Variants in DNM3 observed in about 807,000 individuals in gnomAD.
DNM3 encodes dynamin 3, also known as dynamin-3.
DNM3 carries 47 observed loss-of-function variants against 101.6 expected under a neutral mutation model. The ratio of observed to expected loss-of-function variants is 0.46; its 90% CI spans 0.37 to 0.59. The LOEUF (loss-of-function observed/expected upper bound fraction) is 0.59, where lower values mean the gene tolerates loss of function less well. Ranked by LOEUF, DNM3 falls within the 20% of genes least tolerant of loss-of-function variation. The pLI, the probability that DNM3 is intolerant of heterozygous loss-of-function variation, is 0.00. For missense variants in DNM3, 849 were observed against 1,085.7 expected (o/e 0.78, Z 3.06); for synonymous variants, 385 against 387.9 (o/e 0.99, Z 0.09).
At chr1:172,280,831 A>G (rs1008728890) in intron 15 of DNM3, among the ~76,000 whole-genome samples, 19 of 152,220 alleles carry the variant, frequency 1.2e-4, no homozygotes, top group African/African-American at 4.6e-4. Flanking sequence ...GCATACATGC[A>G]CACACAGAGT....
chr1:171,866,194 C>T (rs577635001), intron 1 of DNM3, among the ~76,000 whole-genome samples: 1 of 152,134 alleles, frequency 6.6e-6, no homozygotes, highest in Non-Finnish European at 1.5e-5. Context: ...TCAACCCCCA[C>T]CTTAGTCATT....
At chr1:172,294,841 G>A (rs2064084957) in intron 15 of DNM3, among the ~76,000 whole-genome samples, 4 of 151,576 alleles carry the variant, frequency 2.6e-5, no homozygotes, top group Non-Finnish European at 5.9e-5. Context: ...GAGCCTGAAA[G>A]GTGGAGGTGG....
chr1:172,056,201 G>A (rs2050602613), intron 10 of DNM3, among the ~76,000 whole-genome samples: 1 of 152,224 alleles, frequency 6.6e-6, no homozygotes, highest in Non-Finnish European at 1.5e-5. Context: ...TACGCCCACG[G>A]AATCTCGCTG....
intron 17 of DNM3, among the ~76,000 whole-genome samples, chr1:172,373,340 A>G (rs539781900): frequency 4.0e-4 from 61 of 152,222 alleles, no homozygotes; most frequent in South Asian, 1.7e-3. Flanking sequence ...AGCAGTTGCA[A>G]TCTGATTTCT....
At chr1:172,188,702 T>C (rs1168287974) in intron 14 of DNM3, among the ~76,000 whole-genome samples, 1 of 152,094 alleles carries the variant, frequency 6.6e-6, no homozygotes, top group Non-Finnish European at 1.5e-5. Flanking sequence ...TAGGATTATA[T>C]ATAATTGCTG....
chr1:172,075,152 C>A (rs1186707279), intron 11 of DNM3, among the ~76,000 whole-genome samples: 1 of 137,598 alleles, frequency 7.3e-6, no homozygotes, highest in Non-Finnish European at 1.6e-5. Context: ...CCTTTGCCCA[C>A]TTTTTGATTT....
chr1:171,883,406 CA>C (rs1558209802), intron 1 of DNM3, among the ~76,000 whole-genome samples: 4,201 of 127,044 alleles, frequency 0.033, 119 homozygotes, highest in Middle Eastern at 0.045. Flanking sequence ...CACACACACA[CA>C]CACACACCCT....
intron 14 of DNM3, among the ~76,000 whole-genome samples, chr1:172,239,755 C>T (rs1418536060): frequency 6.6e-6 from 1 of 150,658 alleles, no homozygotes; most frequent in African/African-American, 2.4e-5. Flanking sequence ...GGTTATCTCT[C>T]TCCCCTCCGC....
At chr1:171,876,311 C>T (rs1423267578) in intron 1 of DNM3, among the ~76,000 whole-genome samples, 1 of 152,102 alleles carries the variant, frequency 6.6e-6, no homozygotes, top group African/African-American at 2.4e-5. Context: ...TTTATGTAAG[C>T]TTGAAATTTT....
chr1:172,057,730 C>T (rs1249416504), intron 10 of DNM3, among the ~76,000 whole-genome samples: 1 of 151,792 alleles, frequency 6.6e-6, no homozygotes, highest in African/African-American at 2.4e-5. Flanking sequence ...GTACCAGCCG[C>T]TGCAAAATCA....
intron 13 of DNM3, among the ~76,000 whole-genome samples, chr1:172,122,255 C>A (rs1038874628): frequency 6.6e-6 from 1 of 152,074 alleles, no homozygotes; most frequent in Non-Finnish European, 1.5e-5. Flanking sequence ...ACAATTTTTT[C>A]CCTGTCCTTA....
At chr1:171,842,012 C>T (rs1250158533) in intron 1 of DNM3, among the ~76,000 whole-genome samples, 195 bp downstream of exon 1, 3 of 152,062 alleles carry the variant, frequency 2.0e-5, no homozygotes, top group Admixed American at 2.0e-4. Flanking sequence ...GGGCATCCTC[C>T]GTCCCCTGCC....
At chr1:171,853,998 G>T (rs2033289471) in intron 1 of DNM3, among the ~76,000 whole-genome samples, 1 of 152,148 alleles carries the variant, frequency 6.6e-6, no homozygotes, top group African/African-American at 2.4e-5. Context: ...TTAAGAACAT[G>T]AATAGCTTGA....
At chr1:171,994,855 A>T (rs1438018576) in intron 4 of DNM3, among the ~76,000 whole-genome samples, 1 of 152,076 alleles carries the variant, frequency 6.6e-6, no homozygotes, top group Non-Finnish European at 1.5e-5. Context: ...TCAAGTAAAG[A>T]AAAGCCCTGT....
intron 2 of DNM3, among the ~76,000 whole-genome samples, chr1:171,949,455 G>T (rs2042367454): frequency 6.6e-6 from 1 of 152,194 alleles, no homozygotes; most frequent in South Asian, 2.1e-4. Flanking sequence ...TGTCAGCCAA[G>T]CTGGAGTGCA....
rs186847375 is a variant in DNM3 at position 172,087,412 on chromosome 1, C to T, written c.1494-5412C>T. ...TCTGATGACTCCAAATCTAGATCTTCATTTCAAGACTTTTCACTGGACTAT... is the reference window on the plus strand; with the variant it reads ...TCTGATGACTCCAAATCTAGATCTTTATTTCAAGACTTTTCACTGGACTAT... On this transcript the variant is annotated intron_variant, in intron 12 of 20. Coordinates refer to ENST00000627582, the MANE Select transcript of DNM3 (RefSeq NM_015569.5). Among the ~76,000 whole-genome samples the T allele has an allele frequency of 5.1e-3, 775 of 152,296 alleles. 4 individuals carry two copies. The highest frequency in any genetic ancestry group is 7.4e-3 in the Non-Finnish European group (505 of 68,018).
At chr1:172,386,815 G>A (rs939952477) in intron 18 of DNM3, 6 of 295,000 alleles carry the variant, frequency 2.0e-5, no homozygotes, top group African/African-American at 1.1e-4. Flanking sequence ...AAGCCAAACA[G>A]CTCCAGACAA....
At chr1:172,255,376 A>G (rs1209257365) in intron 15 of DNM3, among the ~76,000 whole-genome samples, 1 of 152,086 alleles carries the variant, frequency 6.6e-6, no homozygotes, top group Non-Finnish European at 1.5e-5. Context: ...CAATCATCAG[A>G]GGTGTGCTCA....
At chr1:172,178,486 G>A (rs2059231692) in intron 14 of DNM3, among the ~76,000 whole-genome samples, 1 of 151,834 alleles carries the variant, frequency 6.6e-6, no homozygotes, top group Non-Finnish European at 1.5e-5. Flanking sequence ...ACTGGAGAGG[G>A]GAGTAGGAGG....
Sources: gnomAD v4.1 joint callset for allele counts (sites outside exome capture counted in the v4.1 genomes callset) on GRCh38, gnomAD v4.1.1 for gene constraint, MANE v1.5 for transcripts, NCBI Gene and HGNC (gene_info 2026-07-23, HGNC 2026-07-21) for gene names.